TMEM17: variants seen among roughly 807,000 people sequenced by gnomAD.
TMEM17 encodes transmembrane protein 17.
In TMEM17, 15 loss-of-function variants were observed where a neutral mutation model predicts 19.1. The observed-to-expected ratio is 0.78, with a 90% CI of 0.52 to 1.21. TMEM17 has a LOEUF of 1.21. TMEM17 is among the 50% of genes most tolerant of loss of function. TMEM17 has a pLI of 0.00. For missense variants in TMEM17, 245 were observed against 242.3 expected, an observed-to-expected ratio of 1.01 and a Z score of -0.07; for synonymous variants, 103 against 86.9, an observed-to-expected ratio of 1.19 and a Z score of -1.03.
the TMEM17 span, among the ~76,000 whole-genome samples, chr2:62,483,618 T>G: frequency 8.9e-6 from 1 of 111,806 alleles, no homozygotes; most frequent in Non-Finnish European, 2.0e-5. Context: ...TTTTTTTTTT[T>G]GAGACAAGTT....
chr2:62,500,697 C>T lies in TMEM17; in HGVS notation c.*512G>A. 1 of 152,352 alleles carries T rather than the reference C, an allele frequency of 6.6e-6. No homozygotes were observed. 9.4% of individuals were successfully genotyped at this position (152,352 alleles called of 1,614,324 possible). A position where few individuals can be genotyped will look rare whatever the true frequency, so the allele number is the denominator to read the frequency against. ...CTCGATCTTCTGACCTCATGATCTG[C>T]CCACCTCGGCCTCCCAAAGTGCTGG... On this transcript the variant is annotated 3_prime_UTR_variant, in exon 4 of 4. Transcript: ENST00000335390.
the TMEM17 span, among the ~76,000 whole-genome samples, chr2:62,476,324 C>T: frequency 6.6e-6 from 1 of 152,186 alleles, no homozygotes; most frequent in Non-Finnish European, 1.5e-5. Flanking sequence ...ATCCAAAAAC[C>T]AGACAGGGAG....
chr2:62,493,337 G>A, the TMEM17 span, among the ~76,000 whole-genome samples: 2 of 152,138 alleles, frequency 1.3e-5, no homozygotes, highest in South Asian at 4.1e-4. Context: ...CTGGAAATGA[G>A]AGTCTTAACA....
chr2:62,477,857 G>C, the TMEM17 span, among the ~76,000 whole-genome samples: 3 of 152,208 alleles, frequency 2.0e-5, no homozygotes, highest in Admixed American at 1.3e-4. Context: ...TTTATCTGCT[G>C]TCTCCTACCT....
chr2:62,497,737 T>A (rs988107708), downstream of TMEM17, among the ~76,000 whole-genome samples: 1 of 152,248 alleles, frequency 6.6e-6, no homozygotes, highest in Non-Finnish European at 1.5e-5. Flanking sequence ...GAATACTGCC[T>A]ACCCCCCTCA....
At chr2:62,479,449 C>G in the TMEM17 span, among the ~76,000 whole-genome samples, 1 of 152,010 alleles carries the variant, frequency 6.6e-6, no homozygotes, top group Non-Finnish European at 1.5e-5. Flanking sequence ...GTATATATAC[C>G]ACATTTTCTT....
At chr2:62,505,682 G>A (rs1421074273) in intron 1 of TMEM17, among the ~76,000 whole-genome samples, 1 of 152,174 alleles carries the variant, frequency 6.6e-6, no homozygotes, top group East Asian at 1.9e-4. Flanking sequence ...GCGCGCGGGG[G>A]ACCAGCCTGT....
At chr2:62,478,202 T>A in the TMEM17 span, among the ~76,000 whole-genome samples, 1 of 152,178 alleles carries the variant, frequency 6.6e-6, no homozygotes, top group Non-Finnish European at 1.5e-5. Flanking sequence ...CCAATGAGTC[T>A]CCCTATCCTG....
intron 1 of TMEM17, among the ~76,000 whole-genome samples, chr2:62,505,199 T>C (rs988657978): frequency 1.3e-5 from 2 of 152,096 alleles, no homozygotes; most frequent in African/African-American, 4.8e-5. Flanking sequence ...CCCAGCAGAG[T>C]TGAATGATGA....
At chr2:62,462,649 G>A in the TMEM17 span, among the ~76,000 whole-genome samples, 7 of 152,266 alleles carry the variant, frequency 4.6e-5, no homozygotes, top group South Asian at 6.2e-4. Flanking sequence ...AAGGCCCCTC[G>A]AGGCTACATT....
the TMEM17 span, among the ~76,000 whole-genome samples, chr2:62,475,401 C>T: frequency 2.0e-5 from 3 of 152,206 alleles, no homozygotes; most frequent in Admixed American, 6.5e-5. Flanking sequence ...CCAGTGGGCC[C>T]GGGAACCTAC....
At chr2:62,495,414 G>A (rs567589482), downstream of TMEM17, among the ~76,000 whole-genome samples, 9 of 152,234 alleles carry the variant, frequency 5.9e-5, no homozygotes, top group South Asian at 2.1e-4. Context: ...TTTTAAGTGC[G>A]TAAACACTGG....
At chr2:62,458,772 G>C in the TMEM17 span, among the ~76,000 whole-genome samples, 1 of 152,208 alleles carries the variant, frequency 6.6e-6, no homozygotes. Context: ...CTCAGGGCGA[G>C]GCAATGCTCT....
At chr2:62,473,087 C>T in the TMEM17 span, among the ~76,000 whole-genome samples, 10 of 152,238 alleles carry the variant, frequency 6.6e-5, no homozygotes, top group East Asian at 1.7e-3. Context: ...GGCTTCTCAC[C>T]TAGAGATGAT....
At chr2:62,488,466 T>G in the TMEM17 span, among the ~76,000 whole-genome samples, 1 of 149,296 alleles carries the variant, frequency 6.7e-6, no homozygotes, top group Admixed American at 6.7e-5. Context: ...ATGGACAAAC[T>G]TTTTTTTTAA....
In TMEM17 at chr2:62,506,069, C is replaced by T. The variant is rs910740808; in HGVS notation, c.61G>A (p.Asp21Asn). 3 of 1,610,876 alleles carry T rather than the reference C, an allele frequency of 1.9e-6. No homozygotes were observed. The highest frequency in any genetic ancestry group is 2.5e-6 in the Non-Finnish European group (3 of 1,178,896). The change falls in exon 1 of 4, where the codon GAT becomes AAT. Residue 21 changes from aspartate (D) to asparagine (N), a missense_variant. By Grantham distance (23) the Asp-to-Asn change is conservative (BLOSUM62 1). Transcript: ENST00000335390. Reference sequence around the variant, plus strand: ...GACTCTGGACCGGTCCGATTGGAATCACTGAACACGGCCCGGCTGAAGTTT... The same window carrying T: ...GACTCTGGACCGGTCCGATTGGAATTACTGAACACGGCCCGGCTGAAGTTT... ...LGNFSRAVFS[D>N]SNRTGPESNE...
chr2:62,498,201 A>C (rs2103722116), downstream of TMEM17, among the ~76,000 whole-genome samples: 1 of 150,720 alleles, frequency 6.6e-6, no homozygotes, highest in South Asian at 2.1e-4. Context: ...CCTGGCCAAC[A>C]TGGTGAAACC....
downstream of TMEM17, among the ~76,000 whole-genome samples, chr2:62,499,696 A>T (rs184729950): frequency 6.6e-6 from 1 of 152,346 alleles, no homozygotes; most frequent in Admixed American, 6.5e-5. Context: ...ATAAGCATGA[A>T]TTGTAGAAAA....
chr2:62,460,896 G>C, the TMEM17 span, among the ~76,000 whole-genome samples: 1,961 of 152,298 alleles, frequency 0.013, 78 homozygotes, highest in South Asian at 0.12. Flanking sequence ...CCCTACTTCT[G>C]TCTAGTGCAG....
Sources: gnomAD v4.1 joint callset for allele counts (sites outside exome capture counted in the v4.1 genomes callset) on GRCh38, gnomAD v4.1.1 for gene constraint, MANE v1.5 for transcripts, NCBI Gene and HGNC (gene_info 2026-07-23, HGNC 2026-07-21) for gene names.